Variants in HEMK2 observed in about 807,000 individuals in gnomAD.
HEMK2 encodes methyltransferase HEMK2.
chr21:28,686,927 GT>G, the HEMK2 span, among the ~76,000 whole-genome samples: 19 of 152,178 alleles, frequency 1.2e-4, no homozygotes, highest in Non-Finnish European at 2.6e-4. Context: ...AATTTCATCA[GT>G]GAGAGCCAAA....
chr21:28,725,162 A>G, the HEMK2 span, among the ~76,000 whole-genome samples: 3 of 152,212 alleles, frequency 2.0e-5, no homozygotes, highest in African/African-American at 4.8e-5. Flanking sequence ...CTGATTAATA[A>G]GTCAATCAAT....
At chr21:28,581,306 G>A in the HEMK2 span, among the ~76,000 whole-genome samples, 1 of 86,390 alleles carries the variant, frequency 1.2e-5, no homozygotes, top group South Asian at 4.4e-4. Flanking sequence ...TGAGACTCAA[G>A]AAAGGTACCC....
the HEMK2 span, among the ~76,000 whole-genome samples, chr21:28,793,635 T>C: frequency 3.1e-4 from 47 of 152,312 alleles, no homozygotes; most frequent in Non-Finnish European, 5.7e-4. Context: ...TATGTCAGCA[T>C]CCCAATCCCC....
At chr21:28,830,087 T>A in the HEMK2 span, among the ~76,000 whole-genome samples, 25 of 152,174 alleles carry the variant, frequency 1.6e-4, no homozygotes, top group Admixed American at 1.5e-3. Flanking sequence ...GAGTATATCT[T>A]ATATCTGTAT....
the HEMK2 span, among the ~76,000 whole-genome samples, chr21:28,790,074 ACTT>A: frequency 6.6e-6 from 1 of 152,226 alleles, no homozygotes; most frequent in Non-Finnish European, 1.5e-5. Flanking sequence ...AAACTTGGCC[ACTT>A]CACAAACACT....
At chr21:28,696,048 G>C in the HEMK2 span, among the ~76,000 whole-genome samples, 1 of 152,040 alleles carries the variant, frequency 6.6e-6, no homozygotes. Context: ...ACAGCAAAAG[G>C]CAAAAGGCAC....
the HEMK2 span, among the ~76,000 whole-genome samples, chr21:28,832,049 C>T: frequency 6.6e-6 from 1 of 152,180 alleles, no homozygotes; most frequent in African/African-American, 2.4e-5. Context: ...ATGTAGCACT[C>T]TCAGACTTTA....
the HEMK2 span, among the ~76,000 whole-genome samples, chr21:28,720,489 T>C: frequency 6.6e-6 from 1 of 152,034 alleles, no homozygotes; most frequent in South Asian, 2.1e-4. Context: ...TTCTAGCACT[T>C]TGGGAGGCCA....
the HEMK2 span, among the ~76,000 whole-genome samples, chr21:28,694,667 A>C: frequency 1.3e-5 from 2 of 151,812 alleles, no homozygotes; most frequent in African/African-American, 2.4e-5. Context: ...TGGAACATTT[A>C]TCTCTTCCTG....
chr21:28,709,446 C>T, the HEMK2 span, among the ~76,000 whole-genome samples: 1 of 152,068 alleles, frequency 6.6e-6, no homozygotes, highest in African/African-American at 2.4e-5. Flanking sequence ...GATGGAACTT[C>T]GGAATGCACT....
chr21:28,814,616 A>C, the HEMK2 span, among the ~76,000 whole-genome samples: 1 of 152,178 alleles, frequency 6.6e-6, no homozygotes, highest in Non-Finnish European at 1.5e-5. Flanking sequence ...TGCAGCCAAA[A>C]AACACATGAA....
At chr21:28,590,275 A>T in the HEMK2 span, among the ~76,000 whole-genome samples, 1 of 152,228 alleles carries the variant, frequency 6.6e-6, no homozygotes, top group East Asian at 1.9e-4. Flanking sequence ...AAGCTGTTGA[A>T]GAAACTGGAC....
At chr21:28,777,939 C>T in the HEMK2 span, among the ~76,000 whole-genome samples, 7 of 152,090 alleles carry the variant, frequency 4.6e-5, no homozygotes, top group African/African-American at 7.2e-5. Flanking sequence ...CCATGAGAAC[C>T]TTTACTTTAA....
the HEMK2 span, among the ~76,000 whole-genome samples, chr21:28,882,537 C>A: frequency 1.3e-5 from 2 of 151,450 alleles, no homozygotes; most frequent in South Asian, 2.1e-4. Context: ...TATGCAGCCA[C>A]CAAAAATGAA....
chr21:28,812,874 G>A, the HEMK2 span, among the ~76,000 whole-genome samples: 2 of 152,186 alleles, frequency 1.3e-5, no homozygotes, highest in African/African-American at 4.8e-5. Context: ...GAGGGAGTAT[G>A]TGTCCAGGAA....
At chr21:28,805,486 C>T in the HEMK2 span, among the ~76,000 whole-genome samples, 2 of 152,124 alleles carry the variant, frequency 1.3e-5, no homozygotes, top group African/African-American at 2.4e-5. Context: ...TTGATTGAAA[C>T]CAAAATGTTT....
chr21:28,828,326 T>C, the HEMK2 span, among the ~76,000 whole-genome samples: 4 of 151,988 alleles, frequency 2.6e-5, no homozygotes, highest in Non-Finnish European at 5.9e-5. Context: ...TCATGAGAGA[T>C]TTCAAGCTAA....
At chr21:28,780,676 C>G in the HEMK2 span, among the ~76,000 whole-genome samples, 1 of 152,224 alleles carries the variant, frequency 6.6e-6, no homozygotes, top group Non-Finnish European at 1.5e-5. Flanking sequence ...TGAACTAAAG[C>G]TTTGCTCACT....
At chr21:28,831,570 A>AGAAG in the HEMK2 span, among the ~76,000 whole-genome samples, 4 of 72,900 alleles carry the variant, frequency 5.5e-5, no homozygotes, top group African/African-American at 2.6e-4. Context: ...AAAGAAGGAA[A>AGAAG]GAAAGAAAGA....
Sources: allele counts gnomAD v4.1 joint callset (sites outside exome capture counted in the v4.1 genomes callset), GRCh38; gene constraint gnomAD v4.1.1; transcripts MANE v1.5; gene names NCBI Gene and HGNC (gene_info 2026-07-23, HGNC 2026-07-21).